LRIG3: variants seen among roughly 807,000 people sequenced by gnomAD.
The protein encoded by LRIG3 is leucine-rich repeats and immunoglobulin-like domains protein 3.
A neutral mutation model predicts 114.5 loss-of-function variants in LRIG3; 76 were observed. The observed-to-expected ratio is 0.66, with a 90% CI of 0.55 to 0.80. The LOEUF is 0.80. LRIG3 is among the 30% of genes least tolerant of loss of function. LRIG3 has a pLI of 0.00. For missense variants in LRIG3, 1,239 were observed against 1,382.8 expected (o/e 0.90, Z 1.65); for synonymous variants, 512 against 519.8 (o/e 0.98, Z 0.20).
At chr12:58,888,584 G>C in intron 6 of LRIG3, 112 bp from the exon 7 acceptor site, 1 of 1,417,128 alleles carries the variant, frequency 7.1e-7, no homozygotes, top group Non-Finnish European at 9.5e-7. Context: ...TAGATGTTTA[G>C]CTTTTGTTAT....
At chr12:58,875,933 T>A (rs1870900403) in intron 16 of LRIG3, among the ~76,000 whole-genome samples, 1 of 152,200 alleles carries the variant, frequency 6.6e-6, no homozygotes, top group African/African-American at 2.4e-5. Context: ...GTGGCTGTAG[T>A]CCCAGTTACT....
At chr12:58,892,588 C>CT (rs1357600746) in intron 3 of LRIG3, among the ~76,000 whole-genome samples, 1 of 152,174 alleles carries the variant, frequency 6.6e-6, no homozygotes, top group Non-Finnish European at 1.5e-5. Flanking sequence ...CACCACTGGT[C>CT]TTCTCTGCCA....
chr12:58,904,493 T>C (rs1469671045), intron 3 of LRIG3, among the ~76,000 whole-genome samples: 5 of 152,124 alleles, frequency 3.3e-5, no homozygotes, highest in Non-Finnish European at 7.3e-5. Flanking sequence ...GAGGGAATAG[T>C]GTGGGTTCAG....
rs764806725 is a variant in LRIG3, at chr12:58,874,413, G to A, written c.2839+17C>T. The A allele has an allele frequency of 1.2e-6, 2 of 1,613,736 alleles. No homozygotes were observed. Among genetic ancestry groups the A allele is most frequent in the Non-Finnish European group, 1.7e-6 (2 of 1,179,938 alleles). ...CTCTAAGAAACAGAACTGTACTCAA[G>A]CAAGAAAACCACCTACCTGTATGAT... On this transcript the variant is annotated intron_variant, in intron 17 of 18. Coordinates refer to ENST00000320743, the MANE Select transcript of LRIG3 (RefSeq NM_153377.5).
chr12:58,919,497 C>T, intron 1 of LRIG3: 2 of 1,551,576 alleles, frequency 1.3e-6, no homozygotes, highest in Non-Finnish European at 1.7e-6. Flanking sequence ...TGGAGAATGA[C>T]CGAATTCTGT....
intron 11 of LRIG3, 128 bp from the exon 12 acceptor site, chr12:58,883,160 T>C: frequency 1.2e-6 from 1 of 836,712 alleles, no homozygotes; most frequent in Non-Finnish European, 1.8e-6. Flanking sequence ...ATGGAATAAG[T>C]ATCCCACAGT....
intron 18 of LRIG3, 60 bp downstream of exon 18, chr12:58,873,994 CT>C (rs1183122139): frequency 6.3e-7 from 1 of 1,577,240 alleles, no homozygotes; most frequent in South Asian, 1.1e-5. Flanking sequence ...TCATTGCTCT[CT>C]CACACACAAC....
rs1294572173 is a variant in LRIG3 at position 58,883,509 on chromosome 12, G to T, written c.1316+11C>A. 2.6e-6 allele frequency: 4 copies of T among 1,526,952 alleles called. No homozygotes were observed. The African/African-American group carries it at 4.1e-5, about 15-fold the overall frequency. The allele number at this position is 1,526,952 out of a possible 1,614,324, so 94.6% of individuals were successfully genotyped here. ...TACTTTCAGACTCCTAGAAGGAAAA[G>T]AAAAGCTTACAATTGTTGCAGTTTC... is the stretch of plus-strand genomic sequence containing the variant. On this transcript the variant is annotated intron_variant, in intron 11 of 18. Transcript: ENST00000320743.
intron 3 of LRIG3, among the ~76,000 whole-genome samples, chr12:58,893,394 A>C (rs1401184310): frequency 1.3e-5 from 2 of 152,186 alleles, no homozygotes; most frequent in Non-Finnish European, 2.9e-5. Context: ...TGATAATAGT[A>C]AAGTTTTAAA....
At chr12:58,879,204 A>G in intron 13 of LRIG3, 99 bp from the exon 14 acceptor site, 6 of 1,349,142 alleles carry the variant, frequency 4.4e-6, no homozygotes, top group Non-Finnish European at 5.0e-6. Context: ...ATACTTACAG[A>G]TTGTCCCTGA....
chr12:58,877,684 A>C lies in LRIG3; in HGVS notation c.2252T>G (p.Leu751Arg), dbSNP rs571943937. 1 of 1,614,206 alleles carries C rather than the reference A, an allele frequency of 6.2e-7. No homozygotes were observed. The highest frequency in any genetic ancestry group is 1.7e-5 in the Admixed American group (1 of 60,030). The change falls in exon 15 of 19, where the codon CTT becomes CGT. Residue 751 changes from leucine to arginine, a missense_variant. Physicochemically the swap from Leu to Arg is moderately radical, Grantham distance 102 (BLOSUM62 -2). Coordinates refer to ENST00000320743, the MANE Select transcript of LRIG3 (RefSeq NM_153377.5). ...ERHFFAAGNQ[L>R]LIIVDSDVSD... ...GACATCTGAGTCCACAATAATCAGA[A>C]GCTGATTGCCTGCTGCAAAAAAGTG...
intron 3 of LRIG3, among the ~76,000 whole-genome samples, chr12:58,892,762 CA>C (rs1484975407): frequency 3.9e-5 from 6 of 152,296 alleles, no homozygotes; most frequent in African/African-American, 1.4e-4. Flanking sequence ...ACAGACATTA[CA>C]AAACATCTTA....
chr12:58,876,461 T>C lies in LRIG3; in HGVS notation c.2679A>G (p.Pro893=). 1 of 1,614,120 alleles carries C rather than the reference T, an allele frequency of 6.2e-7. No homozygotes were observed. The highest frequency in any genetic ancestry group is 8.5e-7 in the Non-Finnish European group (1 of 1,180,006). The change falls in exon 16 of 19, where the codon CCA becomes CCG. Residue 893 remains proline (P), a synonymous_variant. Transcript: ENST00000320743. ...VTSSGAGFFL[P]QHDSSGTCHI... ...AACACTTACCACTACTGTCATGTTG[T>C]GGTAAGAAAAATCCAGCACCTGAAG...
chr12:58,874,173 G>A lies in LRIG3; in HGVS notation c.2997C>T (p.Asn999=), dbSNP rs367857693. The change falls in exon 18 of 19, where the codon AAC becomes AAT. Residue 999 remains asparagine (N), a synonymous_variant. Transcript: ENST00000320743. ...GTCCTTCATTGTGAGAGTAACTAGT[G>A]TTAAGTAGCTTCCTCACATGTGAAG... ...SWPSHVRKLL[N]TSYSHNEGPG... The A allele has an allele frequency of 3.0e-5, 48 of 1,614,196 alleles. No homozygotes were observed. Among genetic ancestry groups the A allele is most frequent in the Non-Finnish European group, 3.7e-5 (44 of 1,180,034 alleles).
At position 58,887,731 on chromosome 12, in the gene LRIG3, G is replaced by C; in HGVS notation, c.1091+58C>G. On this transcript the variant is annotated intron_variant, in intron 8 of 18. Transcript: ENST00000320743. ...ACAAAGGAAATCTGCTAGGAGAAAA[G>C]TGGGCATATTTAGGAACCAATTACG... 1.9e-6 allele frequency: 3 copies of C among 1,571,582 alleles called. No individual in the cohort carries two copies. In the South Asian group the frequency reaches 3.4e-5, roughly 18 times the overall value.
Position 58,873,846 on chromosome 12 carries a change from C to T in LRIG3, c.3115+209G>A, listed in dbSNP as rs1870816430. Reference sequence around the variant, plus strand: ...AGTGCTACCCAGAAAGCTCCTGAGGCTTAGTTATAGATTAAACACATCATC... The same window carrying T: ...AGTGCTACCCAGAAAGCTCCTGAGGTTTAGTTATAGATTAAACACATCATC... On this transcript the variant is annotated intron_variant, in intron 18 of 18. Transcript: ENST00000320743. The T allele has an allele frequency of 6.5e-6, 4 of 612,860 alleles. No homozygotes were observed. In the East Asian group the frequency reaches 1.1e-4, roughly 17 times the overall value. 38.0% of individuals were successfully genotyped at this position (612,860 alleles called of 1,614,324 possible). A position where few individuals can be genotyped will look rare whatever the true frequency, so the allele number is the denominator to read the frequency against.
intron 3 of LRIG3, among the ~76,000 whole-genome samples, chr12:58,891,337 G>T (rs1488812545): frequency 6.6e-6 from 1 of 151,932 alleles, no homozygotes; most frequent in Non-Finnish European, 1.5e-5. Context: ...TCAACTCCTG[G>T]CCTCAAGCAA....
chr12:58,920,403 T>C lies in LRIG3; in HGVS notation c.-168A>G, dbSNP rs1287165453. The stretch of plus-strand genomic sequence containing the variant: ...CTTTTACTCCCGGCGGCGAAGCCCT[T>C]TCATGCCCCCAAACAGCAGGAGGGA... On this transcript the variant is annotated 5_prime_UTR_variant, in exon 1 of 19. Transcript: ENST00000320743. 6.5e-6 allele frequency: 3 copies of C among 460,128 alleles called. No homozygotes were observed. The highest frequency in any genetic ancestry group is 1.1e-5 in the Non-Finnish European group (3 of 274,260). 28.5% of individuals were successfully genotyped at this position (460,128 alleles called of 1,614,324 possible). A position where few individuals can be genotyped will look rare whatever the true frequency, so the allele number is the denominator to read the frequency against.
In LRIG3 at chr12:58,874,472, C is replaced by T; in HGVS notation, c.2797G>A (p.Gly933Arg). ...LGSTGPMYLK[G>R]NVYGSDPFET... is the part of the protein sequence containing the mutation. ...AAAGGATCTGAGCCATACACATTTC[C>T]CTTCAAATACATAGGGCCTGTGGAT... Residue 933 changes from glycine to arginine, a missense_variant, in exon 17 of 19, where the codon GGA (glycine) becomes AGA (arginine). Gly to Arg is a moderately radical substitution (Grantham distance 125). Coordinates refer to ENST00000320743, the MANE Select transcript of LRIG3 (RefSeq NM_153377.5). 1 of 1,614,174 alleles carries T rather than the reference C, an allele frequency of 6.2e-7. No homozygotes were observed. Among genetic ancestry groups the T allele is most frequent in the Non-Finnish European group, 8.5e-7 (1 of 1,180,030 alleles).
Sources: gnomAD v4.1 joint callset for allele counts (sites outside exome capture counted in the v4.1 genomes callset) on GRCh38, gnomAD v4.1.1 for gene constraint, MANE v1.5 for transcripts, NCBI Gene and HGNC (gene_info 2026-07-23, HGNC 2026-07-21) for gene names.